TFB2M: variants seen among roughly 807,000 people sequenced by gnomAD.
The protein encoded by TFB2M is transcription factor B2, mitochondrial.
In TFB2M, 44 loss-of-function variants were observed where a neutral mutation model predicts 41.3. The ratio of observed to expected loss-of-function variants is 1.07; its 90% CI spans 0.84 to 1.37. The LOEUF is 1.37. Ranked by LOEUF, TFB2M falls within the 40% of genes most tolerant of loss-of-function variation. The pLI is 0.00. For missense variants in TFB2M, 496 were observed against 490.2 expected (o/e 1.01, Z -0.11); for synonymous variants, 188 against 176.8 (o/e 1.06, Z -0.50).
At chr1:246,560,990 G>A (rs1371702050) in intron 2 of TFB2M, among the ~76,000 whole-genome samples, 1 of 152,176 alleles carries the variant, frequency 6.6e-6, no homozygotes, top group Admixed American at 6.6e-5. Context: ...GCGGTCACCT[G>A]TAATCCCAGC....
At chr1:246,549,824 A>T (rs1659123527) in intron 5 of TFB2M, among the ~76,000 whole-genome samples, 1 of 152,204 alleles carries the variant, frequency 6.6e-6, no homozygotes, top group African/African-American at 2.4e-5. Context: ...AATTCCTAGC[A>T]GTTCCAGGAA....
intron 1 of TFB2M, 115 bp from the exon 2 acceptor site, chr1:246,564,549 T>A (rs540340486): frequency 1.2e-6 from 1 of 854,048 alleles, no homozygotes; most frequent in South Asian, 1.6e-5. Context: ...TCTGACAGCA[T>A]CCGCAAAGTA....
At chr1:246,558,323 T>G (rs1403419053) in intron 2 of TFB2M, among the ~76,000 whole-genome samples, 1 of 152,030 alleles carries the variant, frequency 6.6e-6, no homozygotes, top group Admixed American at 6.6e-5. Flanking sequence ...ATTTTTGGAT[T>G]TTTTGTAGCA....
chr1:246,545,519 A>G (rs889803854), intron 6 of TFB2M, among the ~76,000 whole-genome samples: 2 of 152,008 alleles, frequency 1.3e-5, no homozygotes, highest in Non-Finnish European at 2.9e-5. Context: ...TCTCTTAAAA[A>G]AACAAAAGGG....
intron 4 of TFB2M, among the ~76,000 whole-genome samples, chr1:246,552,200 A>G (rs1311662347): frequency 6.6e-6 from 1 of 151,962 alleles, no homozygotes; most frequent in Non-Finnish European, 1.5e-5. Flanking sequence ...GCTTGAGTCT[A>G]GGAGTTTGGG....
intron 2 of TFB2M, among the ~76,000 whole-genome samples, chr1:246,560,815 C>T (rs2102990379): frequency 1.3e-5 from 2 of 152,252 alleles, no homozygotes; most frequent in Middle Eastern, 6.8e-3. Flanking sequence ...TTAAGTTAGT[C>T]ATTAAGTTTG....
At chr1:246,554,191 A>G (rs1360780068) in intron 4 of TFB2M, among the ~76,000 whole-genome samples, 1 of 152,198 alleles carries the variant, frequency 6.6e-6, no homozygotes, top group Non-Finnish European at 1.5e-5. Context: ...TGGATCAAAG[A>G]CCTAAACAAG....
At chr1:246,556,856 A>G in intron 3 of TFB2M, 135 bp from the exon 4 acceptor site, 1 of 761,540 alleles carries the variant, frequency 1.3e-6, no homozygotes, top group Non-Finnish European at 2.0e-6. Flanking sequence ...AAGCCTCAAT[A>G]TCTTTCCTTG....
In TFB2M at chr1:246,543,296, A is replaced by T. The variant is rs534718212; in HGVS notation, c.1019+1225T>A. ...TACCCATCCTCTGGCGAGACTTTGAATGACTATGGGCTGCTGATTACAAGG... is the reference window on the plus strand; with the variant it reads ...TACCCATCCTCTGGCGAGACTTTGATTGACTATGGGCTGCTGATTACAAGG... On this transcript the variant is annotated intron_variant, in intron 7 of 7. Coordinates refer to ENST00000366514, the MANE Select transcript of TFB2M (RefSeq NM_022366.3). Among the ~76,000 whole-genome samples, 4 of 152,004 alleles carry T rather than the reference A, an allele frequency of 2.6e-5. No individual in the cohort carries two copies. The South Asian group carries it at 8.3e-4, about 32-fold the overall frequency.
chr1:246,542,631 C>T (rs943543304), intron 7 of TFB2M, among the ~76,000 whole-genome samples: 30 of 152,114 alleles, frequency 2.0e-4, no homozygotes, highest in Admixed American at 2.0e-3. Context: ...ATGATTGTGC[C>T]ACTGTACTCC....
chr1:246,556,773 C>T, intron 3 of TFB2M, 52 bp from the exon 4 acceptor site: 1 of 1,444,872 alleles, frequency 6.9e-7, no homozygotes. Flanking sequence ...GCATTTTGTC[C>T]TATGTCCATA....
chr1:246,562,417 T>C (rs1002201652), intron 2 of TFB2M, among the ~76,000 whole-genome samples: 4 of 152,232 alleles, frequency 2.6e-5, no homozygotes, highest in African/African-American at 9.6e-5. Flanking sequence ...CTTCACTCTA[T>C]GCAACTGTAT....
chr1:246,565,295 A>G (rs1659591338), intron 1 of TFB2M, among the ~76,000 whole-genome samples: 2 of 152,208 alleles, frequency 1.3e-5, no homozygotes, highest in South Asian at 4.1e-4. Flanking sequence ...AAGATCTAAG[A>G]GCATGTTTTA....
chr1:246,545,019 A>T (rs958513271), intron 6 of TFB2M, among the ~76,000 whole-genome samples: 1 of 151,536 alleles, frequency 6.6e-6, no homozygotes, highest in Non-Finnish European at 1.5e-5. Context: ...GTTAGCCAGG[A>T]TGGTCTCGAT....
chr1:246,549,339 T>C (rs1014982644), intron 5 of TFB2M, among the ~76,000 whole-genome samples: 3 of 152,198 alleles, frequency 2.0e-5, no homozygotes, highest in Non-Finnish European at 2.9e-5. Context: ...CCCAGCACTT[T>C]GGGAGGCTGA....
chr1:246,564,494 C>T, intron 1 of TFB2M, 60 bp from the exon 2 acceptor site: 1 of 1,484,968 alleles, frequency 6.7e-7, no homozygotes, highest in Non-Finnish European at 9.4e-7. Flanking sequence ...CTTTCAATAC[C>T]AAACTTTCAT....
intron 7 of TFB2M, among the ~76,000 whole-genome samples, chr1:246,541,999 C>A (rs897992435): frequency 6.6e-6 from 1 of 152,146 alleles, no homozygotes; most frequent in African/African-American, 2.4e-5. Flanking sequence ...TTAACCCAAA[C>A]CTATGTGATA....
chr1:246,548,995 C>T (rs554295869), intron 5 of TFB2M, among the ~76,000 whole-genome samples: 1 of 152,176 alleles, frequency 6.6e-6, no homozygotes, highest in African/African-American at 2.4e-5. Flanking sequence ...GCCTACTAAT[C>T]AAACTATTTG....
chr1:246,565,617 C>T (rs1470344498), intron 1 of TFB2M, among the ~76,000 whole-genome samples: 2 of 152,184 alleles, frequency 1.3e-5, no homozygotes, highest in African/African-American at 4.8e-5. Flanking sequence ...GAGGCTGAGG[C>T]AGGAGAATCG....
Sources: allele counts gnomAD v4.1 joint callset (sites outside exome capture counted in the v4.1 genomes callset), GRCh38; gene constraint gnomAD v4.1.1; transcripts MANE v1.5; gene names NCBI Gene and HGNC (gene_info 2026-07-23, HGNC 2026-07-21).